LMBR1: variants seen among roughly 807,000 people sequenced by gnomAD.
LMBR1 encodes the protein limb development membrane protein 1.
LMBR1 carries 52 observed loss-of-function variants against 73.9 expected under a neutral mutation model. That is an observed-to-expected ratio of 0.70 (90% CI 0.56 to 0.89). The LOEUF (loss-of-function observed/expected upper bound fraction) is 0.89, where lower values mean the gene tolerates loss of function less well. LMBR1 is among the 40% of genes least tolerant of loss of function. The pLI is 0.00. For synonymous variants in LMBR1, 215 were observed against 209.4 expected (o/e 1.03, Z -0.23); for missense variants, 539 against 579.8 (o/e 0.93, Z 0.72).
intron 1 of LMBR1, among the ~76,000 whole-genome samples, chr7:156,890,370 A>G (rs1053317400): frequency 5.3e-5 from 8 of 152,236 alleles, no homozygotes; most frequent in African/African-American, 1.9e-4. Context: ...TCATCAGAAG[A>G]TATCATTAAA....
intron 2 of LMBR1, 107 bp from the exon 3 acceptor site, chr7:156,833,899 C>A (rs1837144538): frequency 1.4e-6 from 1 of 716,030 alleles, no homozygotes; most frequent in African/African-American, 1.8e-5. Flanking sequence ...AATTATTGAA[C>A]AGAAACAATT....
intron 1 of LMBR1, among the ~76,000 whole-genome samples, chr7:156,841,985 A>C (rs1838786911): frequency 7.1e-6 from 1 of 140,558 alleles, no homozygotes; most frequent in Admixed American, 7.2e-5. Flanking sequence ...AAGTTGTGGG[A>C]GTGATATAAA....
intron 16 of LMBR1, among the ~76,000 whole-genome samples, chr7:156,684,374 G>GGAAGTCCTGCCCCTTCCAGGACAGCACGT (rs2131847545): frequency 6.6e-6 from 1 of 152,214 alleles, no homozygotes; most frequent in South Asian, 2.1e-4. Flanking sequence ...GCTGCAAGGC[G>GGAAGTCCTGCCCCTTCCAGGACAGCACGT]GAAGTCCTGC....
intron 1 of LMBR1, among the ~76,000 whole-genome samples, chr7:156,861,606 G>A (rs1157505379): frequency 6.6e-6 from 1 of 152,154 alleles, no homozygotes; most frequent in Non-Finnish European, 1.5e-5. Flanking sequence ...TTGTCAGGCT[G>A]CGAATTTTCC....
At chr7:156,868,043 A>G (rs1202726852) in intron 1 of LMBR1, among the ~76,000 whole-genome samples, 3 of 152,192 alleles carry the variant, frequency 2.0e-5, no homozygotes, top group Non-Finnish European at 4.4e-5. Context: ...TTTTTTAATA[A>G]AAATAAAAGT....
rs1830072108 is a variant in LMBR1 at position 156,796,503 on chromosome 7, G to A, written c.320-11C>T. The stretch of plus-strand genomic sequence containing the variant: ...CAAGATTCCACAAACCTATAAAAAG[G>A]GTAACAAGAAAAGAAGAAAAACAGG... On this transcript the variant is annotated splice_polypyrimidine_tract_variant and intron_variant, in intron 4 of 16. Transcript: ENST00000353442. The A allele has an allele frequency of 3.9e-6, 6 of 1,554,902 alleles. No individual in the cohort carries two copies. The East Asian group carries it at 1.4e-4, about 35-fold the overall frequency.
Position 156,681,264 on chromosome 7 carries a change from G to A in LMBR1, c.*2814C>T, listed in dbSNP as rs576012030. 2.4e-6 allele frequency: 1 copy of A among 424,982 alleles called. No individual in the cohort carries two copies. The highest frequency in any genetic ancestry group is 1.7e-5 in the South Asian group (1 of 59,372). 26.3% of individuals were successfully genotyped at this position (424,982 alleles called of 1,614,324 possible). A position where few individuals can be genotyped will look rare whatever the true frequency, so the allele number is the denominator to read the frequency against. ...GATGGGGAGGCCGCACTGCCGCTGA[G>A]AGCAGGTACACGTGCGCCTTTAACA... On this transcript the variant is annotated 3_prime_UTR_variant, in exon 17 of 17. Coordinates refer to ENST00000353442, the MANE Select transcript of LMBR1 (RefSeq NM_022458.4).
intron 9 of LMBR1, among the ~76,000 whole-genome samples, chr7:156,747,596 T>C (rs970459709): frequency 6.6e-6 from 1 of 152,178 alleles, no homozygotes; most frequent in Non-Finnish European, 1.5e-5. Context: ...AACAATTCAG[T>C]GTCCTAAACT....
intron 4 of LMBR1, among the ~76,000 whole-genome samples, chr7:156,826,144 T>A (rs1465642830): frequency 6.6e-6 from 1 of 152,074 alleles, no homozygotes; most frequent in African/African-American, 2.4e-5. Flanking sequence ...CATGCCTGGC[T>A]AATTTTTATA....
At chr7:156,793,186 G>C (rs1032043729) in intron 5 of LMBR1, among the ~76,000 whole-genome samples, 1 of 152,126 alleles carries the variant, frequency 6.6e-6, no homozygotes, top group Non-Finnish European at 1.5e-5. Context: ...ATTCTAATAA[G>C]CACTGTGTAA....
At chr7:156,777,888 C>G (rs1826438645) in intron 5 of LMBR1, among the ~76,000 whole-genome samples, 1 of 152,158 alleles carries the variant, frequency 6.6e-6, no homozygotes, top group Non-Finnish European at 1.5e-5. Flanking sequence ...TGTCACCTAC[C>G]TTTCCTGCTG....
chr7:156,858,033 A>G (rs78471331), intron 1 of LMBR1, among the ~76,000 whole-genome samples: 4,212 of 151,118 alleles, frequency 0.028, 97 homozygotes, highest in South Asian at 0.079. Context: ...ACACCTTAGG[A>G]AACTAGAAAA....
At chr7:156,803,571 G>A (rs1259740275) in intron 4 of LMBR1, among the ~76,000 whole-genome samples, 1 of 152,106 alleles carries the variant, frequency 6.6e-6, no homozygotes, top group African/African-American at 2.4e-5. Context: ...CAACCCTTGT[G>A]GAAGTCAGTG....
At chr7:156,820,076 T>C (rs1288589374) in intron 4 of LMBR1, among the ~76,000 whole-genome samples, 2 of 152,212 alleles carry the variant, frequency 1.3e-5, no homozygotes. Flanking sequence ...ACACCCCCAT[T>C]CGATTCTTAT....
At chr7:156,779,419 C>A (rs1826719917) in intron 5 of LMBR1, among the ~76,000 whole-genome samples, 1 of 152,240 alleles carries the variant, frequency 6.6e-6, no homozygotes, top group East Asian at 1.9e-4. Flanking sequence ...TTATTTCATA[C>A]CAGCATTTTT....
intron 4 of LMBR1, among the ~76,000 whole-genome samples, chr7:156,813,581 A>G (rs1448501978): frequency 6.6e-6 from 1 of 152,140 alleles, no homozygotes; most frequent in Non-Finnish European, 1.5e-5. Flanking sequence ...CTCTTGCCCC[A>G]AATTCCTAAA....
chr7:156,825,113 C>G (rs1054127591), intron 4 of LMBR1, among the ~76,000 whole-genome samples: 4 of 123,852 alleles, frequency 3.2e-5, no homozygotes, highest in Non-Finnish European at 6.8e-5. Flanking sequence ...AACAAGCTAT[C>G]TCTGATATAT....
intron 1 of LMBR1, among the ~76,000 whole-genome samples, chr7:156,860,557 C>T (rs1040101437): frequency 1.3e-5 from 2 of 152,280 alleles, no homozygotes; most frequent in South Asian, 2.1e-4. Flanking sequence ...ATCATGCCTC[C>T]CCAACAGTCC....
chr7:156,816,989 T>C (rs1834012182), intron 4 of LMBR1, among the ~76,000 whole-genome samples: 1 of 152,170 alleles, frequency 6.6e-6, no homozygotes, highest in Non-Finnish European at 1.5e-5. Flanking sequence ...TTCCATATAG[T>C]AGTCAAACCC....
Sources: gnomAD v4.1 joint callset for allele counts (sites outside exome capture counted in the v4.1 genomes callset) on GRCh38, gnomAD v4.1.1 for gene constraint, MANE v1.5 for transcripts, NCBI Gene and HGNC (gene_info 2026-07-23, HGNC 2026-07-21) for gene names.